Variants in NALF1 observed in about 807,000 individuals in gnomAD.
NALF1 encodes family with sequence similarity 155 member A.
In NALF1, 3 loss-of-function variants were observed where a neutral mutation model predicts 48.4. That is an observed-to-expected ratio of 0.06 (90% CI 0.03 to 0.16). The LOEUF is 0.16. Ranked by LOEUF, NALF1 falls within the 10% of genes least tolerant of loss-of-function variation. NALF1 has a pLI of 1.00. For missense variants in NALF1, 526 were observed against 571.5 expected, an observed-to-expected ratio of 0.92 and a Z score of 0.81; for synonymous variants, 262 against 245.7, an observed-to-expected ratio of 1.07 and a Z score of -0.62.
At chr13:107,290,014 T>G (rs1239784359) in intron 1 of NALF1, among the ~76,000 whole-genome samples, 3 of 152,094 alleles carry the variant, frequency 2.0e-5, no homozygotes, top group Non-Finnish European at 2.9e-5. Flanking sequence ...ATGTTTCCAC[T>G]TCGGGTTCTG....
intron 1 of NALF1, among the ~76,000 whole-genome samples, chr13:107,715,153 C>T (rs1484329261): frequency 6.6e-6 from 1 of 151,926 alleles, no homozygotes; most frequent in Non-Finnish European, 1.5e-5. Context: ...TCCAATTCTA[C>T]TCTTTCAGTT....
chr13:107,598,170 C>T (rs917621851), intron 1 of NALF1, among the ~76,000 whole-genome samples: 1 of 152,206 alleles, frequency 6.6e-6, no homozygotes, highest in East Asian at 1.9e-4. Flanking sequence ...ACAATACACA[C>T]ACAGGCATAC....
At chr13:107,407,300 A>G (rs926258905) in intron 1 of NALF1, among the ~76,000 whole-genome samples, 7 of 151,934 alleles carry the variant, frequency 4.6e-5, no homozygotes, top group Non-Finnish European at 1.0e-4. Context: ...AGCAAAGGAA[A>G]TAACACAGTG....
intron 1 of NALF1, among the ~76,000 whole-genome samples, chr13:107,523,760 A>G (rs1326664310): frequency 2.6e-5 from 4 of 151,862 alleles, no homozygotes; most frequent in African/African-American, 9.7e-5. Flanking sequence ...AAAATAACAA[A>G]TTATTTTGGT....
intron 1 of NALF1, among the ~76,000 whole-genome samples, chr13:107,682,097 T>G (rs572828343): frequency 9.2e-5 from 14 of 152,162 alleles, no homozygotes; most frequent in Non-Finnish European, 1.5e-4. Context: ...AGTTACAAGG[T>G]TGAAATATGC....
At chr13:107,435,304 T>C (rs1884446215) in intron 1 of NALF1, among the ~76,000 whole-genome samples, 1 of 150,746 alleles carries the variant, frequency 6.6e-6, no homozygotes, top group East Asian at 1.9e-4. Context: ...GATACTAAAA[T>C]AATAGCATCT....
intron 1 of NALF1, among the ~76,000 whole-genome samples, chr13:107,624,817 A>C (rs1488213574): frequency 6.6e-6 from 1 of 152,162 alleles, no homozygotes; most frequent in African/African-American, 2.4e-5. Context: ...TTATCTTCCT[A>C]ATAAAGGAGG....
chr13:107,545,165 G>T (rs1162954499), intron 1 of NALF1, among the ~76,000 whole-genome samples: 2 of 152,194 alleles, frequency 1.3e-5, no homozygotes, highest in African/African-American at 2.4e-5. Context: ...CATATAAAGA[G>T]CATTCACATA....
chr13:107,838,105 T>C (rs769088854), intron 1 of NALF1, among the ~76,000 whole-genome samples: 1 of 152,186 alleles, frequency 6.6e-6, no homozygotes, highest in Non-Finnish European at 1.5e-5. Flanking sequence ...TGTGAAGGAA[T>C]GGGCTTCTAA....
intron 2 of NALF1, among the ~76,000 whole-genome samples, chr13:107,189,979 G>A (rs74113913): frequency 0.025 from 3,779 of 150,814 alleles, 180 homozygotes; most frequent in African/African-American, 0.087. Flanking sequence ...GCCATGTGAG[G>A]GGATTTGTGT....
chr13:107,587,426 GATTTTTA>G (rs1192820046), intron 1 of NALF1, among the ~76,000 whole-genome samples: 3 of 152,120 alleles, frequency 2.0e-5, no homozygotes, highest in Admixed American at 2.0e-4. Context: ...ATTGTGACTT[GATTTTTA>G]ACCTGTTTCT....
At chr13:107,824,159 T>A (rs1479010093) in intron 1 of NALF1, among the ~76,000 whole-genome samples, 1 of 152,132 alleles carries the variant, frequency 6.6e-6, no homozygotes, top group Admixed American at 6.5e-5. Context: ...ATAAGTGTGG[T>A]AAGCACATAA....
rs1316065458 is a variant in NALF1, at chr13:107,169,320, A to T, written c.*1177T>A. The T allele has an allele frequency of 6.6e-6, 1 of 152,232 alleles. No individual in the cohort carries two copies. The highest frequency in any genetic ancestry group is 1.5e-5 in the Non-Finnish European group (1 of 68,042). 9.4% of individuals were successfully genotyped at this position (152,232 alleles called of 1,614,324 possible). ...TATGTTAGGGAAATACTGGAATAAA[A>T]TTGTGTATATTCTGTATATTGCAGG... On this transcript the variant is annotated 3_prime_UTR_variant, in exon 3 of 3. Coordinates refer to ENST00000375915, the MANE Select transcript of NALF1 (RefSeq NM_001080396.3).
intron 2 of NALF1, among the ~76,000 whole-genome samples, chr13:107,192,042 T>TGA (rs141271663): frequency 0.038 from 5,644 of 149,192 alleles, 339 homozygotes; most frequent in African/African-American, 0.13. Context: ...TGACCGATGA[T>TGA]GAGAGAGAGA....
chr13:107,166,023 TGTG>T lies in NALF1; in HGVS notation c.*4471_*4473del, dbSNP rs1878651168. On this transcript the variant is annotated 3_prime_UTR_variant, in exon 3 of 3. Transcript: ENST00000375915. ...TGCAAGCGATGTGTGTGTGTGTGTG[TGTG>T]TGTGTGTGTGTGTGTATGTATATAT... The T allele has an allele frequency of 6.6e-6, 1 of 152,472 alleles. No homozygotes were observed. Among genetic ancestry groups the T allele is most frequent in the Middle Eastern group, 3.1e-3 (1 of 318 alleles). 9.4% of individuals were successfully genotyped at this position (152,472 alleles called of 1,614,324 possible).
intron 1 of NALF1, among the ~76,000 whole-genome samples, chr13:107,703,200 T>A (rs1881866254): frequency 6.6e-6 from 1 of 152,186 alleles, no homozygotes; most frequent in Admixed American, 6.5e-5. Flanking sequence ...TTCCTCCAAA[T>A]AAATACTTTA....
intron 1 of NALF1, among the ~76,000 whole-genome samples, chr13:107,289,937 T>A (rs1378567119): frequency 6.6e-6 from 1 of 152,194 alleles, no homozygotes; most frequent in Non-Finnish European, 1.5e-5. Context: ...GTGAGCCTGT[T>A]CAACTGTGAG....
intron 1 of NALF1, among the ~76,000 whole-genome samples, chr13:107,281,783 AG>A (rs1342166055): frequency 6.6e-6 from 1 of 152,200 alleles, no homozygotes; most frequent in East Asian, 1.9e-4. Context: ...TGGAAGGGGA[AG>A]GGGAAGCAAA....
chr13:107,539,600 A>T (rs796418328), intron 1 of NALF1, among the ~76,000 whole-genome samples: 4 of 152,324 alleles, frequency 2.6e-5, no homozygotes, highest in African/African-American at 9.6e-5. Flanking sequence ...GAAATAAGAG[A>T]TGTTTTATGA....
Sources: allele counts gnomAD v4.1 joint callset (sites outside exome capture counted in the v4.1 genomes callset), GRCh38; gene constraint gnomAD v4.1.1; transcripts MANE v1.5; gene names NCBI Gene and HGNC (gene_info 2026-07-23, HGNC 2026-07-21).